The following SLC67A1 variants were observed in gnomAD, a reference collection of about 807,000 sequenced individuals.
SLC67A1 encodes the protein solute carrier family 67 member 1, also known as solute carrier family 67 member A1.
the SLC67A1 span, chr11:2,919,584 G>C: frequency 3.4e-6 from 2 of 596,412 alleles, no homozygotes; most frequent in African/African-American, 3.7e-5. Flanking sequence ...GCCAACTGCA[G>C]TGGTGGGCAC....
chr11:2,911,248 G>A, the SLC67A1 span, among the ~76,000 whole-genome samples: 1 of 152,180 alleles, frequency 6.6e-6, no homozygotes, highest in Non-Finnish European at 1.5e-5. Flanking sequence ...AATGGGGGCA[G>A]AGGTGGGTCC....
At chr11:2,918,002 A>T in the SLC67A1 span, 1 of 1,613,120 alleles carries the variant, frequency 6.2e-7, no homozygotes, top group East Asian at 2.2e-5. Flanking sequence ...CCCCCGGGCC[A>T]GTGTGTTCGA....
At chr11:2,922,515 C>A in the SLC67A1 span, 1 of 1,613,114 alleles carries the variant, frequency 6.2e-7, no homozygotes, top group East Asian at 2.2e-5. Flanking sequence ...AACGTGGTCA[C>A]CGACAGCATG....
At chr11:2,912,745 G>T in the SLC67A1 span, among the ~76,000 whole-genome samples, 2 of 152,314 alleles carry the variant, frequency 1.3e-5, no homozygotes, top group African/African-American at 2.4e-5. Flanking sequence ...CACGCTGGGT[G>T]GGGGGTGGCT....
At chr11:2,919,729 G>A in the SLC67A1 span, 52,926 of 377,706 alleles carry the variant, frequency 0.14, 4,749 homozygotes, top group Non-Finnish European at 0.17. Context: ...CAAAGTGCCC[G>A]CCTTGCAGGG....
chr11:2,905,246 G>C, the SLC67A1 span, among the ~76,000 whole-genome samples: 2 of 152,176 alleles, frequency 1.3e-5, no homozygotes, highest in Non-Finnish European at 2.9e-5. Flanking sequence ...CGGATGAGCT[G>C]GGGGAACTGG....
At chr11:2,923,790 G>A in the SLC67A1 span, among the ~76,000 whole-genome samples, 1 of 152,204 alleles carries the variant, frequency 6.6e-6, no homozygotes, top group Admixed American at 6.5e-5. The surrounding 1 kb of genome is among the most constrained non-coding windows in gnomAD (Gnocchi z 6.5). Flanking sequence ...ATTGGGCCAC[G>A]TCATGCGCAG....
chr11:2,909,448 C>T, the SLC67A1 span: 5 of 1,173,756 alleles, frequency 4.3e-6, no homozygotes, highest in Non-Finnish European at 5.4e-6. Context: ...TGCGTGCGCG[C>T]GGGGTCTGGC....
the SLC67A1 span, chr11:2,903,620 T>TC: frequency 0.6 from 569,175 of 947,692 alleles, 174,192 homozygotes; most frequent in East Asian, 0.73. Context: ...CAGTTGGGAC[T>TC]CATGCCACGC....
At chr11:2,921,551 C>CG in the SLC67A1 span, 11 of 165,410 alleles carry the variant, frequency 6.7e-5, no homozygotes, top group African/African-American at 2.6e-4. Flanking sequence ...AGCCTGCGGC[C>CG]AAGCCTGTCC....
At chr11:2,902,553 C>T in the SLC67A1 span, 2 of 985,232 alleles carry the variant, frequency 2.0e-6, no homozygotes, top group Non-Finnish European at 2.4e-6. Context: ...AGGGGTCTCC[C>T]CGCCCTACCC....
the SLC67A1 span, chr11:2,916,786 A>G: frequency 6.4e-7 from 1 of 1,551,908 alleles, no homozygotes; most frequent in Non-Finnish European, 8.9e-7. Context: ...GGGCAATGGA[A>G]GGCATTGGCT....
At chr11:2,904,292 G>C in the SLC67A1 span, among the ~76,000 whole-genome samples, 1 of 152,200 alleles carries the variant, frequency 6.6e-6, no homozygotes, top group Admixed American at 6.5e-5. Flanking sequence ...CTCAGAGCCT[G>C]GACCTGGGCA....
the SLC67A1 span, among the ~76,000 whole-genome samples, chr11:2,924,320 C>T: frequency 6.6e-6 from 1 of 152,108 alleles, no homozygotes; most frequent in Non-Finnish European, 1.5e-5. This position sits in a 1 kb window ranked among gnomAD's most constrained non-coding sequence, Gnocchi z 8.6. Flanking sequence ...GCATGGGCTT[C>T]CAAAGCCCCT....
At chr11:2,901,603 C>G in the SLC67A1 span, among the ~76,000 whole-genome samples, 4 of 152,340 alleles carry the variant, frequency 2.6e-5, no homozygotes, top group African/African-American at 9.6e-5. Context: ...TGTGCTCCAG[C>G]GGCTCCTGCT....
the SLC67A1 span, chr11:2,909,354 C>T: frequency 7.9e-6 from 11 of 1,388,030 alleles, no homozygotes; most frequent in African/African-American, 6.1e-5. Context: ...CACACGCTGC[C>T]AGGTAGGGCC....
chr11:2,917,534 A>G, the SLC67A1 span, among the ~76,000 whole-genome samples: 1 of 152,220 alleles, frequency 6.6e-6, no homozygotes, highest in Non-Finnish European at 1.5e-5. Flanking sequence ...GGGCCAGGCC[A>G]CGGCGGTGAC....
the SLC67A1 span, chr11:2,899,949 C>T: frequency 4.7e-5 from 23 of 487,904 alleles, no homozygotes; most frequent in Middle Eastern, 5.5e-4. Flanking sequence ...CAGGAGGCGT[C>T]TGGAACCTGT....
At chr11:2,915,091 G>C in the SLC67A1 span, 27 of 985,404 alleles carry the variant, frequency 2.7e-5, no homozygotes, top group Non-Finnish European at 3.3e-5. Context: ...CAGCACAGGT[G>C]GGGTGGATAT....
Sources: allele counts gnomAD v4.1 joint callset (sites outside exome capture counted in the v4.1 genomes callset), GRCh38; gene constraint gnomAD v4.1.1; non-coding constraint Gnocchi (gnomAD v3.1); transcripts MANE v1.5; gene names NCBI Gene and HGNC (gene_info 2026-07-23, HGNC 2026-07-21).